TECPR2: variants seen among roughly 807,000 people sequenced by gnomAD.
TECPR2 encodes the protein tectonin beta-propeller repeat containing 2, also known as tectonin beta-propeller repeat-containing protein 2.
TECPR2 carries 65 observed loss-of-function variants against 138.1 expected under a neutral mutation model. The observed-to-expected ratio is 0.47, with a 90% CI of 0.39 to 0.58. TECPR2 has a LOEUF of 0.58. TECPR2 is among the 20% of genes least tolerant of loss of function. TECPR2 has a pLI of 0.00. For missense variants in TECPR2, 1,553 were observed against 1,824.5 expected (o/e 0.85, Z 2.71); for synonymous variants, 746 against 749.8 (o/e 0.99, Z 0.08).
chr14:102,410,197 A>G (rs1395587287), intron 4 of TECPR2, among the ~76,000 whole-genome samples: 2 of 152,186 alleles, frequency 1.3e-5, no homozygotes, highest in South Asian at 2.1e-4. Context: ...CTATAGCTCT[A>G]TTTTCAAAAC....
chr14:102,446,810 T>C (rs974466386), intron 13 of TECPR2, among the ~76,000 whole-genome samples: 1 of 152,072 alleles, frequency 6.6e-6, no homozygotes, highest in Admixed American at 6.6e-5. Flanking sequence ...ATAATGCACT[T>C]AATTTATTTA....
chr14:102,473,658 C>T (rs916061143), intron 17 of TECPR2, among the ~76,000 whole-genome samples: 5 of 152,084 alleles, frequency 3.3e-5, no homozygotes, highest in African/African-American at 9.7e-5. Flanking sequence ...AGTAGTTTTG[C>T]GGTAAAGTTT....
At chr14:102,432,830 C>T (rs1159278609) in intron 8 of TECPR2, among the ~76,000 whole-genome samples, 1 of 151,838 alleles carries the variant, frequency 6.6e-6, no homozygotes, top group Non-Finnish European at 1.5e-5. Flanking sequence ...ATGGTGAAAC[C>T]CCGTCTCTAC....
intron 2 of TECPR2, 58 bp downstream of exon 2, chr14:102,376,998 T>G: frequency 6.5e-7 from 1 of 1,540,730 alleles, no homozygotes; most frequent in Admixed American, 1.9e-5. Context: ...ACGCTTAACA[T>G]GCTTGTGTTC....
At chr14:102,438,320 C>A in intron 10 of TECPR2, 115 bp downstream of exon 10, 2 of 1,303,362 alleles carry the variant, frequency 1.5e-6, no homozygotes, top group Non-Finnish European at 2.0e-6. Context: ...TCTGGGCTCA[C>A]GCTGCCGTGC....
chr14:102,405,734 A>C (rs766649104), intron 2 of TECPR2, among the ~76,000 whole-genome samples: 1 of 152,264 alleles, frequency 6.6e-6, no homozygotes, highest in African/African-American at 2.4e-5. Flanking sequence ...ACTCATATTC[A>C]TAGGAGCCTT....
intron 4 of TECPR2, among the ~76,000 whole-genome samples, chr14:102,409,813 A>G (rs1888772273): frequency 6.6e-6 from 1 of 151,314 alleles, no homozygotes; most frequent in Non-Finnish European, 1.5e-5. Context: ...AAAAATATAC[A>G]TATTTTTTTG....
rs572119194 is a variant in TECPR2 at position 102,401,799 on chromosome 14, C to T, written c.220-5539C>T. Among the ~76,000 whole-genome samples the T allele has an allele frequency of 5.2e-3, 442 of 85,164 alleles. 2 individuals carry two copies. Among genetic ancestry groups the T allele is most frequent in the African/African-American group, 0.021 (406 of 18,892 alleles). The allele number at this position is 85,164 out of a possible 152,430, so 55.9% of individuals were successfully genotyped here. ...CAGCCTGTGCAAAAGAGCGAGACTC[C>T]GTCTCAAAAAAAAAAAAAAAAAAAA... is the stretch of plus-strand genomic sequence containing the variant. On this transcript the variant is annotated intron_variant, in intron 2 of 19. Coordinates refer to ENST00000359520, the MANE Select transcript of TECPR2 (RefSeq NM_014844.5).
At chr14:102,473,074 C>G (rs78088716) in intron 17 of TECPR2, among the ~76,000 whole-genome samples, 4,109 of 152,388 alleles carry the variant, frequency 0.027, 77 homozygotes, top group Middle Eastern at 0.075. Context: ...AACCCTAGCT[C>G]AGAGGTTCAG....
In TECPR2 at chr14:102,435,665, A is replaced by G. The variant is rs192851863; in HGVS notation, c.2394+454A>G. 7.2e-5 allele frequency among the ~76,000 whole-genome samples: 11 copies of G among 152,292 alleles called. No homozygotes were observed. The East Asian group carries it at 1.7e-3, about 24-fold the overall frequency. On this transcript the variant is annotated intron_variant, in intron 9 of 19. Coordinates refer to ENST00000359520, the MANE Select transcript of TECPR2 (RefSeq NM_014844.5). ...ACCCCTCCAAGGAACCATCTGCAAG[A>G]GCACGAGGCCATTTCCAGAACTGCT... is the stretch of plus-strand genomic sequence containing the variant.
intron 17 of TECPR2, among the ~76,000 whole-genome samples, chr14:102,495,314 C>G (rs753912652): frequency 6.6e-6 from 1 of 152,210 alleles, no homozygotes; most frequent in Non-Finnish European, 1.5e-5. Flanking sequence ...TGCGGAGCTG[C>G]GACCAAGTCT....
Position 102,432,298 on chromosome 14 carries a change from T to TAC in TECPR2, c.1417+193_1417+194dup, listed in dbSNP as rs10650505. On this transcript the variant is annotated intron_variant, in intron 8 of 19. Coordinates refer to ENST00000359520, the MANE Select transcript of TECPR2 (RefSeq NM_014844.5). ...CAAAATACTTCACATTAACGGAAAA[T>TAC]ACACACACACACACACACACACACT... Among the ~76,000 whole-genome samples the TAC allele has an allele frequency of 0.046, 6,891 of 148,768 alleles. 347 individuals are homozygous for TAC. Among genetic ancestry groups the TAC allele is most frequent in the African/African-American group, 0.13 (5,182 of 40,514 alleles).
chr14:102,398,088 A>AG (rs1194571360), intron 2 of TECPR2, among the ~76,000 whole-genome samples: 1 of 149,618 alleles, frequency 6.7e-6, no homozygotes, highest in African/African-American at 2.4e-5. Context: ...AAAAAAAAAA[A>AG]AAAGAAAAAA....
intron 2 of TECPR2, among the ~76,000 whole-genome samples, chr14:102,379,821 G>C (rs1008772984): frequency 1.6e-4 from 23 of 148,098 alleles, no homozygotes; most frequent in Admixed American, 1.5e-3. Flanking sequence ...TAAAATCCAT[G>C]CACAGAGGCG....
intron 17 of TECPR2, among the ~76,000 whole-genome samples, chr14:102,472,852 G>T (rs1299803442): frequency 6.6e-6 from 1 of 152,230 alleles, no homozygotes; most frequent in Non-Finnish European, 1.5e-5. Flanking sequence ...CCAGCTCCCA[G>T]GTGCTGCCCC....
intron 2 of TECPR2, among the ~76,000 whole-genome samples, chr14:102,381,028 C>T (rs1486673601): frequency 8.2e-5 from 12 of 146,180 alleles, no homozygotes; most frequent in Non-Finnish European, 1.5e-4. Context: ...CAGGCTGGAG[C>T]GTAGTGACTG....
chr14:102,417,994 T>G (rs1483650930), intron 5 of TECPR2, among the ~76,000 whole-genome samples: 1 of 151,966 alleles, frequency 6.6e-6, no homozygotes, highest in Non-Finnish European at 1.5e-5. Flanking sequence ...AACCATTGAC[T>G]GAGATGGAGA....
intron 2 of TECPR2, among the ~76,000 whole-genome samples, chr14:102,382,633 A>G (rs777143626): frequency 3.3e-5 from 5 of 152,354 alleles, no homozygotes; most frequent in Middle Eastern, 3.4e-3. Context: ...ACATTCATCA[A>G]TATAGACCAT....
At chr14:102,458,097 C>T (rs1476349284) in intron 16 of TECPR2, among the ~76,000 whole-genome samples, 1 of 151,992 alleles carries the variant, frequency 6.6e-6, no homozygotes, top group African/African-American at 2.4e-5. Flanking sequence ...TGGTCTCTAA[C>T]TCCTGACCTC....
Sources: gnomAD v4.1 joint callset for allele counts (sites outside exome capture counted in the v4.1 genomes callset) on GRCh38, gnomAD v4.1.1 for gene constraint, MANE v1.5 for transcripts, NCBI Gene and HGNC (gene_info 2026-07-23, HGNC 2026-07-21) for gene names.